The following CYP4Z1 variants were observed in gnomAD, a reference collection of about 807,000 sequenced individuals.
CYP4Z1 encodes the protein cytochrome P450 4Z1.
In CYP4Z1, 41 loss-of-function variants were observed where a neutral mutation model predicts 54.2. The observed-to-expected ratio is 0.76, with a 90% CI of 0.59 to 0.98. The LOEUF is 0.98. Ranked by LOEUF, CYP4Z1 falls within the 50% of genes least tolerant of loss-of-function variation. The pLI, the probability that CYP4Z1 is intolerant of heterozygous loss-of-function variation, is 0.00. For missense variants in CYP4Z1, 513 were observed against 599.0 expected, an observed-to-expected ratio of 0.86 and a Z score of 1.50; for synonymous variants, 163 against 206.2, an observed-to-expected ratio of 0.79 and a Z score of 1.79.
rs1489165239 is a variant in CYP4Z1 at position 47,106,139 on chromosome 1, G to A, written c.1079G>A (p.Ser360Asn). ...DGSSITWEHLSQMPYTTMCIK... is the reference protein window; with the variant it reads ...DGSSITWEHLNQMPYTTMCIK... ...GTGCTTCTACCCAGGGAACACCTGA[G>A]CCAGATGCCTTACACCACGATGTGC... Residue 360 changes from serine to asparagine, a missense_variant, in exon 9 of 12, where the codon AGC (serine) becomes AAC (asparagine). Ser to Asn is a conservative substitution (Grantham distance 46). Coordinates refer to ENST00000334194, the MANE Select transcript of CYP4Z1 (RefSeq NM_178134.3). The A allele has an allele frequency of 6.2e-7, 1 of 1,613,718 alleles. No homozygotes were observed. The highest frequency in any genetic ancestry group is 1.1e-5 in the South Asian group (1 of 90,998).
the CYP4Z1 span, among the ~76,000 whole-genome samples, chr1:47,057,096 C>T: frequency 3.4e-4 from 51 of 151,660 alleles, 2 homozygotes; most frequent in South Asian, 9.6e-3. Context: ...CCTTCAGGAG[C>T]TCTTTTAGGG....
At chr1:47,083,068 C>T (rs1211516851) in intron 4 of CYP4Z1, among the ~76,000 whole-genome samples, 1 of 152,096 alleles carries the variant, frequency 6.6e-6, no homozygotes, top group African/African-American at 2.4e-5. Context: ...TTGAGCACAC[C>T]TAAGGTCCGT....
At chr1:47,063,709 A>T (rs1489162024), upstream of CYP4Z1, among the ~76,000 whole-genome samples, 8 of 152,130 alleles carry the variant, frequency 5.3e-5, no homozygotes, top group South Asian at 2.1e-4. Context: ...AATAATTTTT[A>T]AAAATAAACA....
chr1:47,090,209 G>A (rs1644629551), intron 6 of CYP4Z1, among the ~76,000 whole-genome samples: 2 of 152,182 alleles, frequency 1.3e-5, no homozygotes, highest in South Asian at 4.1e-4. Flanking sequence ...TAAACTTAAT[G>A]ATAGTAAAAT....
chr1:47,104,299 G>A (rs1254592932), intron 8 of CYP4Z1, among the ~76,000 whole-genome samples: 1 of 152,198 alleles, frequency 6.6e-6, no homozygotes. Flanking sequence ...GTTTTGTTGG[G>A]GAATGGGATA....
At chr1:47,104,945 T>G (rs943229814) in intron 8 of CYP4Z1, among the ~76,000 whole-genome samples, 1 of 151,906 alleles carries the variant, frequency 6.6e-6, no homozygotes, top group Non-Finnish European at 1.5e-5. Context: ...AGTTTTGCTC[T>G]TGTTGCCCAG....
rs778352142 is a variant in CYP4Z1 at position 47,084,880 on chromosome 1, G to T, written c.674G>T (p.Arg225Leu). 5 of 1,535,800 alleles carry T rather than the reference G, an allele frequency of 3.3e-6. No individual in the cohort carries two copies. The East Asian group carries it at 1.1e-4, about 35-fold the overall frequency. ...VFNLSKISNQ[R>L]MNNFLHHNDL... is the part of the protein sequence containing the mutation. ...AACCTTAGCAAAATCTCCAACCAGCGCATGAACAATTTTCTACATCACAAC... is the reference window on the plus strand; with the variant it reads ...AACCTTAGCAAAATCTCCAACCAGCTCATGAACAATTTTCTACATCACAAC... Residue 225 changes from arginine (R) to leucine (L), a missense_variant, in exon 6 of 12, where the codon CGC (arginine) becomes CTC (leucine). Transcript: ENST00000334194.
chr1:47,110,599 G>A (rs1644786352), intron 9 of CYP4Z1, among the ~76,000 whole-genome samples: 1 of 152,070 alleles, frequency 6.6e-6, no homozygotes, highest in African/African-American at 2.4e-5. Context: ...CTCACCCAAA[G>A]GAGCTAATAA....
chr1:47,065,756 GATAA>G (rs1644446296), upstream of CYP4Z1, among the ~76,000 whole-genome samples: 1 of 151,956 alleles, frequency 6.6e-6, no homozygotes, highest in Non-Finnish European at 1.5e-5. Context: ...TCTTTGAAGA[GATAA>G]ATAAAATTGA....
intron 6 of CYP4Z1, among the ~76,000 whole-genome samples, chr1:47,090,236 T>G (rs117126813): frequency 0.07 from 10,657 of 152,116 alleles, 262 homozygotes; most frequent in East Asian, 0.21. Flanking sequence ...ACTTGTTTCT[T>G]ATCCATAACT....
upstream of CYP4Z1, among the ~76,000 whole-genome samples, chr1:47,065,137 C>A (rs966461376): frequency 6.6e-6 from 1 of 152,102 alleles, no homozygotes. Context: ...GACAGAAAAT[C>A]AACACAGAAA....
Position 47,113,282 on chromosome 1 carries a change from T to C in CYP4Z1, c.1202-2247T>C, listed in dbSNP as rs1388252961. Among the ~76,000 whole-genome samples the C allele has an allele frequency of 3.3e-5, 5 of 152,328 alleles. No individual in the cohort carries two copies. In the East Asian group the frequency reaches 5.8e-4, roughly 18 times the overall value. On this transcript the variant is annotated intron_variant, in intron 9 of 11. Transcript: ENST00000334194. ...GAACATTCTTCTCTTTACCTGGTTTTCCCCTACCGATTTCATTATACTCAG... is the reference window on the plus strand; with the variant it reads ...GAACATTCTTCTCTTTACCTGGTTTCCCCCTACCGATTTCATTATACTCAG...
Position 47,067,659 on chromosome 1 carries a change from C to T in CYP4Z1, c.169C>T (p.His57Tyr). 6.2e-7 allele frequency: 1 copy of T among 1,601,244 alleles called. No individual in the cohort carries two copies. The highest frequency in any genetic ancestry group is 8.5e-7 in the Non-Finnish European group (1 of 1,172,350). The change falls in exon 1 of 12, where the codon CAC becomes TAC. Residue 57 changes from histidine (H) to tyrosine (Y), a missense_variant. His to Tyr is a moderately conservative substitution (Grantham distance 83). Coordinates refer to ENST00000334194, the MANE Select transcript of CYP4Z1 (RefSeq NM_178134.3). ...ACCCCCTGCCCACTGGTTCTATGGC[C>T]ACAAGGAGGTAAGAGGAGAAAATTA... ...PAPPAHWFYG[H>Y]KEFYPVKEFE...
At chr1:47,066,791 G>A (rs184738292), upstream of CYP4Z1, among the ~76,000 whole-genome samples, 34 of 151,962 alleles carry the variant, frequency 2.2e-4, no homozygotes, top group Admixed American at 2.0e-3. Context: ...AGCTCCTACA[G>A]GATGCAAAAT....
chr1:47,064,307 C>T (rs1056586199), upstream of CYP4Z1, among the ~76,000 whole-genome samples: 1 of 151,992 alleles, frequency 6.6e-6, no homozygotes, highest in African/African-American at 2.4e-5. Flanking sequence ...TGGTCTCGAT[C>T]TCCTGACCTC....
In CYP4Z1 at chr1:47,116,648, A is replaced by C. The variant is rs1326261079; in HGVS notation, c.1267-2A>C. On this transcript the variant is annotated splice_acceptor_variant, in intron 10 of 11. Coordinates refer to ENST00000334194, the MANE Select transcript of CYP4Z1 (RefSeq NM_178134.3). LOFTEE classifies it high-confidence loss of function. The stretch of plus-strand genomic sequence containing the variant: ...GGACTGGGATCTTCACTCTCATTAC[A>C]GGTCTTTAACCCCTTGAGATTCTCC... 3.7e-6 allele frequency: 6 copies of C among 1,601,206 alleles called. No individual in the cohort carries two copies. The South Asian group carries it at 6.6e-5, about 18-fold the overall frequency.
Position 47,116,870 on chromosome 1 carries a change from C to G in CYP4Z1, c.1349+138C>G, listed in dbSNP as rs1644834092. ...TTACCTGGCTTGTCTTCTCTTGTGA[C>G]CAGTGCATTTAGTTGGTACCCTTTT... On this transcript the variant is annotated intron_variant, in intron 11 of 11. Coordinates refer to ENST00000334194, the MANE Select transcript of CYP4Z1 (RefSeq NM_178134.3). 5.7e-5 allele frequency: 35 copies of G among 618,418 alleles called. 1 individual carries two copies. The South Asian group carries it at 1.1e-3, about 19-fold the overall frequency. 38.3% of individuals were successfully genotyped at this position (618,418 alleles called of 1,614,324 possible).
In CYP4Z1 at chr1:47,103,233, G is replaced by T. The variant is rs185727993; in HGVS notation, c.1068-2895G>T. 2.0e-4 allele frequency among the ~76,000 whole-genome samples: 30 copies of T among 151,972 alleles called. No homozygotes were observed. In the East Asian group the frequency reaches 5.8e-3, roughly 29 times the overall value. On this transcript the variant is annotated intron_variant, in intron 8 of 11. Transcript: ENST00000334194. ...CTCACTCTGTTACCCAGGCTGGAGT[G>T]TAGTGGCATGATCATAGCTCACTGC...
chr1:47,077,065 T>C (rs1310607266), intron 2 of CYP4Z1, among the ~76,000 whole-genome samples: 1 of 151,742 alleles, frequency 6.6e-6, no homozygotes, highest in Non-Finnish European at 1.5e-5. Flanking sequence ...CTGCTGTTGT[T>C]AGGTGGAGCT....
Sources: gnomAD v4.1 joint callset for allele counts (sites outside exome capture counted in the v4.1 genomes callset) on GRCh38, gnomAD v4.1.1 for gene constraint, MANE v1.5 for transcripts, NCBI Gene and HGNC (gene_info 2026-07-23, HGNC 2026-07-21) for gene names.